WDR3: variants seen among roughly 807,000 people sequenced by gnomAD.
WDR3 encodes the protein WD repeat domain 3.
In WDR3, 81 loss-of-function variants were observed where a neutral mutation model predicts 123.7. That is an observed-to-expected ratio of 0.65 (90% CI 0.55 to 0.79). The LOEUF (loss-of-function observed/expected upper bound fraction) is 0.79. WDR3 is among the 30% of genes least tolerant of loss of function. The pLI is 0.00. For missense variants in WDR3, 1,027 were observed against 1,123.2 expected (o/e 0.91, Z 1.22); for synonymous variants, 390 against 388.8 (o/e 1.00, Z -0.04).
chr1:117,955,715 G>T (rs1571033303), intron 24 of WDR3, among the ~76,000 whole-genome samples: 1 of 150,414 alleles, frequency 6.6e-6, no homozygotes. Flanking sequence ...TTTATATTCT[G>T]TTCTTTTTCA....
chr1:117,949,742 G>A lies in WDR3; in HGVS notation c.1525-9G>A, dbSNP rs747324156. 1 of 1,611,358 alleles carries A rather than the reference G, an allele frequency of 6.2e-7. No homozygotes were observed. The highest frequency in any genetic ancestry group is 8.5e-7 in the Non-Finnish European group (1 of 1,179,164). The stretch of plus-strand genomic sequence containing the variant: ...ATAGTTTTTAATTGAAATTTCATTT[G>A]ATTTTCAGCGTGGCTTTGTGACAGG... On this transcript the variant is annotated splice_polypyrimidine_tract_variant and intron_variant, in intron 13 of 26. Transcript: ENST00000349139.
intron 16 of WDR3, among the ~76,000 whole-genome samples, chr1:117,951,418 A>C (rs1651604182): frequency 6.6e-6 from 1 of 152,040 alleles, no homozygotes; most frequent in Admixed American, 6.6e-5. Context: ...AAAAAAAAAA[A>C]AAAAGTCTAT....
At chr1:117,947,893 T>A (rs1232044310) in intron 12 of WDR3, among the ~76,000 whole-genome samples, 1 of 152,192 alleles carries the variant, frequency 6.6e-6, no homozygotes, top group East Asian at 1.9e-4. Context: ...TATGATTTTT[T>A]TTTAAATTCA....
In WDR3 at chr1:117,963,045, A is replaced by C. The variant is rs2101390915; in HGVS notation, c.*3598A>C. 1 of 152,350 alleles carries C rather than the reference A, an allele frequency of 6.6e-6. No homozygotes were observed. Among genetic ancestry groups the C allele is most frequent in the South Asian group, 2.1e-4 (1 of 4,830 alleles). 9.4% of individuals were successfully genotyped at this position (152,350 alleles called of 1,614,324 possible). A position where few individuals can be genotyped will look rare whatever the true frequency, so the allele number is the denominator to read the frequency against. ...GTTCTTAAAGGTAGTATCACCATATATTCAAGTCCTTTCTCTTTATTTCTG... is the reference window on the plus strand; with the variant it reads ...GTTCTTAAAGGTAGTATCACCATATCTTCAAGTCCTTTCTCTTTATTTCTG... On this transcript the variant is annotated 3_prime_UTR_variant, in exon 27 of 27. Coordinates refer to ENST00000349139, the MANE Select transcript of WDR3 (RefSeq NM_006784.3).
Position 117,940,854 on chromosome 1 carries a change from A to T in WDR3, c.703A>T (p.Lys235Ter), listed in dbSNP as rs1651123151. The T allele has an allele frequency of 6.2e-7, 1 of 1,613,526 alleles. No individual in the cohort carries two copies. The highest frequency in any genetic ancestry group is 1.1e-5 in the South Asian group (1 of 90,918). ...TGAAGACCCGGAAGAACCAGACCCC[A>T]AGAAAATCAAAGGATCTTCTCCTGG... Reference protein sequence around the residue: ...EIEDPEEPDPKKIKGSSPGIQ... With the variant: ...EIEDPEEPDP The change falls in exon 7 of 27, where the codon AAG becomes TAG. Residue 235 changes from lysine (K) to a stop codon, truncating the protein, a stop_gained. Coordinates refer to ENST00000349139, the MANE Select transcript of WDR3 (RefSeq NM_006784.3). LOFTEE classifies it high-confidence loss of function.
intron 2 of WDR3, 106 bp downstream of exon 2, chr1:117,933,596 CTG>C: frequency 6.9e-7 from 1 of 1,457,328 alleles, no homozygotes; most frequent in Non-Finnish European, 9.5e-7. Context: ...TTTTTTGTGT[CTG>C]TGCCCTTAGA....
chr1:117,933,419 G>C lies in WDR3; in HGVS notation c.100G>C (p.Glu34Gln), dbSNP rs371355148. ...GNIVFVTLRG[E>Q]KGRYVAVPAC... ...TATTGTCTTTGTGACACTTCGTGGTGAGAAAGGACGTTATGTGGCAGTACC... is the reference window on the plus strand; with the variant it reads ...TATTGTCTTTGTGACACTTCGTGGTCAGAAAGGACGTTATGTGGCAGTACC... The change falls in exon 2 of 27, where the codon GAG becomes CAG. Residue 34 changes from glutamate to glutamine, a missense_variant. Coordinates refer to ENST00000349139, the MANE Select transcript of WDR3 (RefSeq NM_006784.3). 13 of 1,614,086 alleles carry C rather than the reference G, an allele frequency of 8.1e-6. No individual in the cohort carries two copies. The African/African-American group carries it at 1.7e-4, about 22-fold the overall frequency.
At chr1:117,938,586 A>T in intron 5 of WDR3, 28 bp downstream of exon 5, 1 of 1,596,394 alleles carries the variant, frequency 6.3e-7, no homozygotes, top group Non-Finnish European at 8.5e-7. Flanking sequence ...GGCCCAGGGA[A>T]ATAATGGGAA....
chr1:117,961,869 AG>A lies in WDR3; in HGVS notation c.*2424del, dbSNP rs1653147463. The stretch of plus-strand genomic sequence containing the variant: ...GCTTTCCAAGGAGTCAGTGTTGTTT[AG>A]GCAGCTATTCCTGCCACCAGGGAGA... On this transcript the variant is annotated 3_prime_UTR_variant, in exon 27 of 27. Transcript: ENST00000349139. 6.6e-6 allele frequency: 1 copy of A among 152,520 alleles called. No homozygotes were observed. The highest frequency in any genetic ancestry group is 6.6e-5 in the Admixed American group (1 of 15,264). The allele number at this position is 152,520 out of a possible 1,614,324, so 9.4% of individuals were successfully genotyped here. A position where few individuals can be genotyped will look rare whatever the true frequency, so the allele number is the denominator to read the frequency against.
chr1:117,942,626 G>A, intron 10 of WDR3, 82 bp downstream of exon 10: 5 of 1,256,482 alleles, frequency 4.0e-6, no homozygotes, highest in South Asian at 1.3e-5. Context: ...TTTGTAAGCT[G>A]TCTGTATGAA....
At chr1:117,955,408 T>C in intron 24 of WDR3, 50 bp downstream of exon 24, 1 of 1,541,954 alleles carries the variant, frequency 6.5e-7, no homozygotes, top group Non-Finnish European at 9.0e-7. Flanking sequence ...CAAACATTTA[T>C]GAAGTGCTTA....
At chr1:117,958,007 T>C (rs1015625572) in intron 25 of WDR3, among the ~76,000 whole-genome samples, 6 of 152,212 alleles carry the variant, frequency 3.9e-5, no homozygotes, top group African/African-American at 1.4e-4. Flanking sequence ...TTGAGAAGAA[T>C]ATATGCACAA....
chr1:117,957,154 C>T lies in WDR3; in HGVS notation c.2540C>T (p.Ser847Phe). Residue 847 changes from serine to phenylalanine, a missense_variant, in exon 25 of 27, where the codon TCT becomes TTT. Physicochemically the swap from Ser to Phe is radical, Grantham distance 155. Coordinates refer to ENST00000349139, the MANE Select transcript of WDR3 (RefSeq NM_006784.3). ...KLFNEFIQLG[S>F]DVELICRCLF... ...TTTAACGAATTCATTCAGCTGGGCT[C>T]TGATGTTGAACTTATATGCCGGTGC... 2 of 1,612,714 alleles carry T rather than the reference C, an allele frequency of 1.2e-6. No homozygotes were observed. Among genetic ancestry groups the T allele is most frequent in the Non-Finnish European group, 1.7e-6 (2 of 1,179,526 alleles).
intron 12 of WDR3, among the ~76,000 whole-genome samples, chr1:117,946,940 CAAAAA>C (rs55743091): frequency 1.3e-5 from 1 of 77,382 alleles, no homozygotes; most frequent in Non-Finnish European, 2.4e-5. Context: ...GACTCCATCT[CAAAAA>C]AAAAAAAAAA....
chr1:117,963,588 TCTC>T lies in WDR3; in HGVS notation c.*4144_*4146del, dbSNP rs542869679. On this transcript the variant is annotated 3_prime_UTR_variant, in exon 27 of 27. Transcript: ENST00000349139. Reference sequence around the variant, plus strand: ...ACCAAGTTAGCCAGGATGGTCTCGATCTCCTGACCTTGTGATCCACCCACCTCG... The same window carrying T: ...ACCAAGTTAGCCAGGATGGTCTCGATCTGACCTTGTGATCCACCCACCTCG... 185 of 333,160 alleles carry T rather than the reference TCTC, an allele frequency of 5.6e-4. No individual in the cohort carries two copies. Among genetic ancestry groups the T allele is most frequent in the African/African-American group, 3.7e-3 (177 of 48,324 alleles). The allele number at this position is 333,160 out of a possible 1,614,324, so 20.6% of individuals were successfully genotyped here. A position where few individuals can be genotyped will look rare whatever the true frequency, so the allele number is the denominator to read the frequency against.
Position 117,963,740 on chromosome 1 carries a change from G to A in WDR3, c.*4293G>A. On this transcript the variant is annotated 3_prime_UTR_variant, in exon 27 of 27. Transcript: ENST00000349139. ...ATAAGAAGAGGGGAAGAAACCTGGG[G>A]TCTAATACCTCAAATTTGAATGCTT... 1.3e-6 allele frequency: 2 copies of A among 1,503,804 alleles called. No individual in the cohort carries two copies. The highest frequency in any genetic ancestry group is 2.3e-5 in the East Asian group (1 of 43,630). 93.2% of individuals were successfully genotyped at this position (1,503,804 alleles called of 1,614,324 possible).
At position 117,965,581 on chromosome 1, in the gene WDR3, C is replaced by T. The variant is rs752849835; in HGVS notation, c.*6134C>T. 1 of 152,218 alleles carries T rather than the reference C, an allele frequency of 6.6e-6. No homozygotes were observed. Among genetic ancestry groups the T allele is most frequent in the Non-Finnish European group, 1.5e-5 (1 of 68,062 alleles). The allele number at this position is 152,218 out of a possible 1,614,324, so 9.4% of individuals were successfully genotyped here. ...CCCCCACCATGTCTTTCATTCATGTCCCTCTTTTATGTTGACTGTTCCCCC... is the reference window on the plus strand; with the variant it reads ...CCCCCACCATGTCTTTCATTCATGTTCCTCTTTTATGTTGACTGTTCCCCC... On this transcript the variant is annotated 3_prime_UTR_variant, in exon 27 of 27. Transcript: ENST00000349139.
Position 117,964,222 on chromosome 1 carries a change from C to A in WDR3, c.*4775C>A. On this transcript the variant is annotated 3_prime_UTR_variant, in exon 27 of 27. Transcript: ENST00000349139. ...ATGGTCAAGCCCCAAACCATATCTA[C>A]ATCAGATTTCATGCTTTTTTTTTTT... 5 of 207,984 alleles carry A rather than the reference C, an allele frequency of 2.4e-5. No homozygotes were observed. Among genetic ancestry groups the A allele is most frequent in the Middle Eastern group, 1.8e-3 (1 of 550 alleles). The allele number at this position is 207,984 out of a possible 1,614,324, so 12.9% of individuals were successfully genotyped here.
In WDR3 at chr1:117,934,593, G is replaced by T. The variant is rs1289237612; in HGVS notation, c.292G>T (p.Glu98Ter). 1 of 1,614,052 alleles carries T rather than the reference G, an allele frequency of 6.2e-7. No homozygotes were observed. Among genetic ancestry groups the T allele is most frequent in the Non-Finnish European group, 8.5e-7 (1 of 1,180,028 alleles). Residue 98 changes from glutamate (E) to a stop codon, truncating the protein, a stop_gained, in exon 3 of 27, where the codon GAA becomes TAA. Coordinates refer to ENST00000349139, the MANE Select transcript of WDR3 (RefSeq NM_006784.3). LOFTEE classifies it high-confidence loss of function. ...SIRIFSLLSG[E>*]GNVTFNGHKA... ...CCGAATCTTCAGTCTCCTGAGTGGGGAAGGAAATGTGACCTTCAATGGTCA... is the reference window on the plus strand; with the variant it reads ...CCGAATCTTCAGTCTCCTGAGTGGGTAAGGAAATGTGACCTTCAATGGTCA...
Sources: allele counts gnomAD v4.1 joint callset (sites outside exome capture counted in the v4.1 genomes callset), GRCh38; gene constraint gnomAD v4.1.1; transcripts MANE v1.5; gene names NCBI Gene and HGNC (gene_info 2026-07-23, HGNC 2026-07-21).